The following SLC9B1 variants were observed in gnomAD, a reference collection of about 807,000 sequenced individuals.
SLC9B1 encodes solute carrier family 9 member B1.
Under a neutral mutation model 51.7 loss-of-function variants are expected in SLC9B1, and 32 were observed. The ratio of observed to expected loss-of-function variants is 0.62; its 90% CI spans 0.47 to 0.83. SLC9B1 has a LOEUF of 0.83. Among genes scored for constraint, SLC9B1 ranks in the 40% least tolerant of loss-of-function variants. SLC9B1 has a pLI of 0.00. For missense variants in SLC9B1, 406 were observed against 613.2 expected (o/e 0.66, Z 3.57); for synonymous variants, 145 against 212.7 (o/e 0.68, Z 2.77).
At chr4:102,956,120 T>C (rs758234672) in intron 3 of SLC9B1, among the ~76,000 whole-genome samples, 1 of 152,198 alleles carries the variant, frequency 6.6e-6, no homozygotes, top group Non-Finnish European at 1.5e-5. Flanking sequence ...ACTCTGGTCC[T>C]GGTAGACGAC....
At chr4:102,909,470 G>T (rs1413320073) in intron 9 of SLC9B1, among the ~76,000 whole-genome samples, 1 of 152,082 alleles carries the variant, frequency 6.6e-6, no homozygotes, top group Non-Finnish European at 1.5e-5. Context: ...GGGTGTGGTG[G>T]TGTGCGCCTG....
intron 1 of SLC9B1, among the ~76,000 whole-genome samples, chr4:103,012,130 CT>C (rs1433795033): frequency 6.6e-6 from 1 of 152,114 alleles, no homozygotes; most frequent in Non-Finnish European, 1.5e-5. Flanking sequence ...TAATTTTTCT[CT>C]TTTTGTCCAG....
intron 1 of SLC9B1, among the ~76,000 whole-genome samples, chr4:103,008,783 G>A (rs1440024506): frequency 6.7e-6 from 1 of 149,440 alleles, no homozygotes; most frequent in African/African-American, 2.5e-5. Context: ...ATGATCTAAG[G>A]GCTTTAACAG....
At chr4:102,948,325 TACACACACACAC>T (rs375091561) in intron 4 of SLC9B1, among the ~76,000 whole-genome samples, 29 of 127,550 alleles carry the variant, frequency 2.3e-4, no homozygotes, top group African/African-American at 6.1e-4. Flanking sequence ...GGCAAAGCCA[TACACACACACAC>T]ACACACACAC....
At chr4:102,956,762 T>C (rs1438019484) in intron 3 of SLC9B1, among the ~76,000 whole-genome samples, 1 of 152,206 alleles carries the variant, frequency 6.6e-6, no homozygotes, top group Non-Finnish European at 1.5e-5. Flanking sequence ...CCAGATTTGC[T>C]ATAATGTGTA....
At chr4:102,967,218 T>C (rs1263290281) in intron 3 of SLC9B1, among the ~76,000 whole-genome samples, 6 of 152,158 alleles carry the variant, frequency 3.9e-5, no homozygotes, top group Non-Finnish European at 5.9e-5. Flanking sequence ...TGAGCCCTCA[T>C]TGAAATTATC....
chr4:102,913,120 T>A (rs1361246289), intron 7 of SLC9B1, among the ~76,000 whole-genome samples: 1 of 152,118 alleles, frequency 6.6e-6, no homozygotes, highest in Non-Finnish European at 1.5e-5. Context: ...CTGGAACAGG[T>A]TGGTGTGGCT....
chr4:102,941,639 C>CAA (rs34497777), intron 6 of SLC9B1, among the ~76,000 whole-genome samples: 36 of 81,732 alleles, frequency 4.4e-4, no homozygotes, highest in East Asian at 1.0e-3. Context: ...GACTCCGTCT[C>CAA]AAAAAAAAAA....
At chr4:102,974,210 C>T (rs1738913627) in intron 3 of SLC9B1, among the ~76,000 whole-genome samples, 1 of 124,540 alleles carries the variant, frequency 8.0e-6, no homozygotes, top group South Asian at 2.7e-4. Context: ...GCATTCCAGC[C>T]TGGGCAACAG....
intron 11 of SLC9B1, chr4:102,889,321 A>AT (rs1261266899): frequency 6.6e-6 from 1 of 152,274 alleles, no homozygotes; most frequent in East Asian, 1.9e-4. Flanking sequence ...TTAACCAATT[A>AT]TTTTTCCACA....
intron 3 of SLC9B1, chr4:102,962,530 G>C: frequency 2.1e-6 from 1 of 477,590 alleles, no homozygotes; most frequent in Non-Finnish European, 4.3e-6. Flanking sequence ...TACTGGCCTT[G>C]GCAGTATCTT....
At chr4:102,918,080 A>G (rs1735673677) in intron 7 of SLC9B1, among the ~76,000 whole-genome samples, 1 of 128,196 alleles carries the variant, frequency 7.8e-6, no homozygotes, top group African/African-American at 3.2e-5. Context: ...AAAAAAAAAA[A>G]AAAAAAAAGG....
At chr4:102,924,452 C>A (rs1736053478) in intron 7 of SLC9B1, among the ~76,000 whole-genome samples, 1 of 152,130 alleles carries the variant, frequency 6.6e-6, no homozygotes, top group African/African-American at 2.4e-5. Flanking sequence ...ACCATAAAAA[C>A]CCTAGAAGAA....
chr4:102,970,608 T>A (rs1226320323), intron 3 of SLC9B1, among the ~76,000 whole-genome samples: 1 of 152,128 alleles, frequency 6.6e-6, no homozygotes, highest in Non-Finnish European at 1.5e-5. Flanking sequence ...GCTAACATCA[T>A]AATGACAGGA....
At chr4:102,991,286 G>C (rs1468816691) in intron 2 of SLC9B1, among the ~76,000 whole-genome samples, 2 of 151,898 alleles carry the variant, frequency 1.3e-5, no homozygotes, top group African/African-American at 4.8e-5. Flanking sequence ...TAAAAAACTT[G>C]GGTCTCTTCA....
intron 1 of SLC9B1, among the ~76,000 whole-genome samples, chr4:103,012,606 C>T (rs567491243): frequency 2.6e-5 from 4 of 152,208 alleles, no homozygotes; most frequent in Admixed American, 1.3e-4. Flanking sequence ...TAGGAACACT[C>T]CACTTCTTAG....
At chr4:102,918,892 A>T (rs550752197) in intron 7 of SLC9B1, among the ~76,000 whole-genome samples, 1 of 150,520 alleles carries the variant, frequency 6.6e-6, no homozygotes, top group Non-Finnish European at 1.5e-5. Flanking sequence ...CATTTTTTCC[A>T]AAAAAAAATA....
At chr4:103,006,718 A>C (rs1018155839) in intron 1 of SLC9B1, among the ~76,000 whole-genome samples, 3 of 152,226 alleles carry the variant, frequency 2.0e-5, no homozygotes, top group African/African-American at 7.2e-5. Flanking sequence ...CTTGATGAAC[A>C]CTGATGCAAA....
intron 1 of SLC9B1, among the ~76,000 whole-genome samples, chr4:103,006,919 A>G (rs1740819268): frequency 6.6e-6 from 1 of 152,246 alleles, no homozygotes; most frequent in Non-Finnish European, 1.5e-5. Context: ...GGCTTTTAAT[A>G]AAATTCAGCA....
Sources: gnomAD v4.1 joint callset for allele counts (sites outside exome capture counted in the v4.1 genomes callset) on GRCh38, gnomAD v4.1.1 for gene constraint, MANE v1.5 for transcripts, NCBI Gene and HGNC (gene_info 2026-07-23, HGNC 2026-07-21) for gene names.